PRKDC: variants seen among roughly 807,000 people sequenced by gnomAD.
The protein encoded by PRKDC is DNA-dependent protein kinase catalytic subunit.
Under a neutral mutation model 486.9 loss-of-function variants are expected in PRKDC, and 82 were observed. The observed-to-expected ratio is 0.17, with a 90% confidence interval of 0.14 to 0.20. PRKDC has a LOEUF of 0.20. Ranked by LOEUF, PRKDC falls within the 10% of genes least tolerant of loss-of-function variation. The pLI is 1.00. For missense variants in PRKDC, 4,504 were observed against 5,038.2 expected (o/e 0.89, Z 3.21); for synonymous variants, 1,895 against 1,837.0 (o/e 1.03, Z -0.81).
chr8:47,786,649 G>A (rs2154497681), intron 76 of PRKDC, among the ~76,000 whole-genome samples: 1 of 147,924 alleles, frequency 6.8e-6, no homozygotes, highest in South Asian at 2.2e-4. Context: ...AAAAATTTAA[G>A]AATGCTACTT....
In PRKDC at chr8:47,830,586, C is replaced by G. The variant is rs767606959; in HGVS notation, c.8397+19G>C. Reference sequence around the variant, plus strand: ...CAGATTTTAACCTGTCAACAGAAAACGCAGCGGCAAAAACTGACCTGGGCC... The same window carrying G: ...CAGATTTTAACCTGTCAACAGAAAAGGCAGCGGCAAAAACTGACCTGGGCC... On this transcript the variant is annotated intron_variant, in intron 61 of 85. Transcript: ENST00000314191. 1 of 1,609,178 alleles carries G rather than the reference C, an allele frequency of 6.2e-7. No individual in the cohort carries two copies. Among genetic ancestry groups the G allele is most frequent in the Non-Finnish European group, 8.5e-7 (1 of 1,176,512 alleles).
intron 18 of PRKDC, 145 bp from the exon 19 acceptor site, chr8:47,929,323 G>A: frequency 1.5e-6 from 1 of 656,524 alleles, no homozygotes; most frequent in Non-Finnish European, 2.7e-6. Context: ...AATCAGCTCT[G>A]CAGACATTTC....
At chr8:47,859,483 T>G (rs2088623108) in intron 46 of PRKDC, 128 bp downstream of exon 46, 3 of 1,121,584 alleles carry the variant, frequency 2.7e-6, no homozygotes, top group Non-Finnish European at 3.8e-6. Context: ...TTCTCCAAAT[T>G]AACTCTATAC....
At chr8:47,956,656 T>C (rs2090707105) in intron 3 of PRKDC, among the ~76,000 whole-genome samples, 1 of 148,868 alleles carries the variant, frequency 6.7e-6, no homozygotes, top group Admixed American at 6.8e-5. Context: ...TGAGCCATGA[T>C]TGCACCACTG....
intron 74 of PRKDC, 118 bp from the exon 75 acceptor site, chr8:47,789,356 A>AGT (rs1210030835): frequency 2.5e-5 from 7 of 275,396 alleles, no homozygotes; most frequent in African/African-American, 4.5e-5. Flanking sequence ...AATGTATGTT[A>AGT]TATATAACTA....
intron 10 of PRKDC, among the ~76,000 whole-genome samples, chr8:47,942,165 C>T (rs1025329264): frequency 1.8e-4 from 27 of 152,262 alleles, no homozygotes; most frequent in African/African-American, 6.5e-4. Flanking sequence ...TAAATGTTTA[C>T]TGAGATCCAA....
chr8:47,795,258 C>T (rs1212473435), intron 73 of PRKDC, among the ~76,000 whole-genome samples: 8 of 145,948 alleles, frequency 5.5e-5, no homozygotes, highest in Non-Finnish European at 9.0e-5. Context: ...GGTGTGATCT[C>T]GGCTCACTGC....
In PRKDC at chr8:47,852,739, T is replaced by C. The variant is rs776611859; in HGVS notation, c.6939A>G (p.Lys2313=). 2.5e-6 allele frequency: 4 copies of C among 1,579,764 alleles called. No individual in the cohort carries two copies. The South Asian group carries it at 4.6e-5, about 18-fold the overall frequency. ...CTTCTGCTGCAGCGGCATACACTTC[T>C]TTATATCTTACAAAGGACATATTAT... ...LVNNMSFVRY[K]EVYAAAAEVL... The change falls in exon 52 of 86, where the codon AAA becomes AAG. Residue 2313 remains lysine, a synonymous_variant. Transcript: ENST00000314191.
At chr8:47,899,032 C>A (rs1476929596) in intron 28 of PRKDC, among the ~76,000 whole-genome samples, 1 of 152,188 alleles carries the variant, frequency 6.6e-6, no homozygotes, top group Non-Finnish European at 1.5e-5. Flanking sequence ...ACTACGGTAT[C>A]GTTTGGTAAT....
chr8:47,887,289 C>T (rs571591657), intron 35 of PRKDC, among the ~76,000 whole-genome samples: 16 of 152,212 alleles, frequency 1.1e-4, no homozygotes, highest in African/African-American at 3.6e-4. Flanking sequence ...AGTCACAAAA[C>T]GTTCTCTAGC....
intron 29 of PRKDC, among the ~76,000 whole-genome samples, chr8:47,898,231 A>G (rs968856200): frequency 2.0e-5 from 3 of 152,236 alleles, no homozygotes; most frequent in Non-Finnish European, 2.9e-5. Flanking sequence ...CTAATTTTCA[A>G]TTTGTATGTA....
chr8:47,828,552 A>G (rs1405044028), intron 61 of PRKDC, among the ~76,000 whole-genome samples: 1 of 152,242 alleles, frequency 6.6e-6, no homozygotes, highest in East Asian at 1.9e-4. Context: ...TGTTATGGAA[A>G]CATGGACTTT....
intron 73 of PRKDC, among the ~76,000 whole-genome samples, chr8:47,797,740 A>G (rs6995756): frequency 0.17 from 26,297 of 152,210 alleles, 3,872 homozygotes; most frequent in African/African-American, 0.38. Flanking sequence ...GGCAGGTCAC[A>G]TGGAAGGGTG....
chr8:47,777,924 A>C (rs374875366), intron 83 of PRKDC, 50 bp from the exon 84 acceptor site: 13 of 1,544,466 alleles, frequency 8.4e-6, no homozygotes, highest in African/African-American at 1.4e-5. Context: ...AGAACTCTCA[A>C]AGTACCGAGC....
chr8:47,830,508 G>T, intron 61 of PRKDC, 97 bp downstream of exon 61: 2 of 1,494,970 alleles, frequency 1.3e-6, no homozygotes, highest in Non-Finnish European at 1.8e-6. Context: ...CATCTATGTT[G>T]CAGGACAGCC....
chr8:47,782,869 CA>C lies in PRKDC; in HGVS notation c.11176-272del, dbSNP rs2154497533. 1 of 520,134 alleles carries C rather than the reference CA, an allele frequency of 1.9e-6. No homozygotes were observed. The highest frequency in any genetic ancestry group is 2.3e-5 in the South Asian group (1 of 42,934). 32.2% of individuals were successfully genotyped at this position (520,134 alleles called of 1,614,324 possible). A position where few individuals can be genotyped will look rare whatever the true frequency, so the allele number is the denominator to read the frequency against. On this transcript the variant is annotated intron_variant, in intron 78 of 85. Transcript: ENST00000314191. This position sits in a 1 kb window ranked among gnomAD's most constrained non-coding sequence, Gnocchi z 4.9. ...CAACAGCCAACATGCAAACTTTCTA[CA>C]GTAGTAAGCTAATGCTACACATATT...
rs2088089078 is a variant in PRKDC at position 47,839,136 on chromosome 8, T to C, written c.7553+12A>G. The stretch of plus-strand genomic sequence containing the variant: ...TTAACATTTAATTGTCCCAGCCCAG[T>C]TATTCACGTACTGAAGTCCAGGGTT... On this transcript the variant is annotated intron_variant, in intron 56 of 85. Coordinates refer to ENST00000314191, the MANE Select transcript of PRKDC (RefSeq NM_006904.7). The C allele has an allele frequency of 6.3e-7, 1 of 1,593,760 alleles. No homozygotes were observed. The highest frequency in any genetic ancestry group is 1.3e-5 in the African/African-American group (1 of 74,498).
rs1341715817 is a variant in PRKDC at position 47,859,657 on chromosome 8, T to C, written c.6161A>G (p.Tyr2054Cys). The change falls in exon 46 of 86, where the codon TAC becomes TGC. Residue 2054 changes from tyrosine to cysteine, a missense_variant. By Grantham distance (194) the Tyr-to-Cys change is radical (BLOSUM62 -2). Coordinates refer to ENST00000314191, the MANE Select transcript of PRKDC (RefSeq NM_006904.7). ...GGCAGGTCTAGGGTCTTGGGAGCTGTATGAATAGCTCTGAACTCCGGTTGA... is the reference window on the plus strand; with the variant it reads ...GGCAGGTCTAGGGTCTTGGGAGCTGCATGAATAGCTCTGAACTCCGGTTGA... Reference protein sequence around the residue: ...DFSTGVQSYSYSSQDPRPATG... With the variant: ...DFSTGVQSYSCSSQDPRPATG... 6.2e-7 allele frequency: 1 copy of C among 1,613,878 alleles called. No homozygotes were observed. The highest frequency in any genetic ancestry group is 1.1e-5 in the South Asian group (1 of 91,084).
intron 85 of PRKDC, among the ~76,000 whole-genome samples, chr8:47,776,635 A>G (rs1563728132): frequency 6.6e-6 from 1 of 152,234 alleles, no homozygotes; most frequent in Admixed American, 6.5e-5. Context: ...ACCTGAAGAC[A>G]GTGCAGGGGT....
Sources: allele counts gnomAD v4.1 joint callset (sites outside exome capture counted in the v4.1 genomes callset), GRCh38; gene constraint gnomAD v4.1.1; non-coding constraint Gnocchi (gnomAD v3.1); transcripts MANE v1.5; gene names NCBI Gene and HGNC (gene_info 2026-07-23, HGNC 2026-07-21).